Variants in TTN observed in about 807,000 individuals in gnomAD.
The protein encoded by TTN is titin.
Under a neutral mutation model 3,223.0 loss-of-function variants are expected in TTN, and 1,525 were observed. The ratio of observed to expected loss-of-function variants is 0.47; its 90% confidence interval spans 0.45 to 0.49. The LOEUF is 0.49. Ranked by LOEUF, TTN falls within the 20% of genes least tolerant of loss-of-function variation. The probability of loss-of-function intolerance (pLI) is 0.00; values close to 1 mark genes in which losing one functional copy is unlikely to be tolerated. For synonymous variants in TTN, 14,094 were observed against 15,161.0 expected (o/e 0.93, Z 5.17); for missense variants, 40,786 against 43,424.0 (o/e 0.94, Z 5.40).
rs878854394 is a variant in TTN at position 178,562,027 on chromosome 2, T to A, written c.84105A>T (p.Leu28035Phe). 5.0e-6 allele frequency: 8 copies of A among 1,613,354 alleles called. No individual in the cohort carries two copies. Among genetic ancestry groups the A allele is most frequent in the Non-Finnish European group, 6.8e-6 (8 of 1,179,704 alleles). Residue 28035 changes from leucine to phenylalanine, a missense_variant, in exon 326 of 363, where the codon TTA (leucine) becomes TTT (phenylalanine). Leu to Phe is a conservative substitution (Grantham distance 22). Transcript: ENST00000589042. Reference sequence around the variant, plus strand: ...TGGATCCAGCACTGTTTGAAACACATAATTCATAAGTTCCAACATCTTCCT... The same window carrying A: ...TGGATCCAGCACTGTTTGAAACACAAAATTCATAAGTTCCAACATCTTCCT... ...ASKEDVGTYE[L>F]CVSNSAGSIT...
chr2:178,568,940 A>G lies in TTN; in HGVS notation c.77192T>C (p.Ile25731Thr). 6.2e-7 allele frequency: 1 copy of G among 1,613,420 alleles called. No individual in the cohort carries two copies. Among genetic ancestry groups the G allele is most frequent in the Non-Finnish European group, 8.5e-7 (1 of 1,179,580 alleles). The change falls in exon 326 of 363, where the codon ATT (isoleucine) becomes ACT (threonine). Residue 25731 changes from isoleucine to threonine, a missense_variant. Physicochemically the swap from Ile to Thr is moderately conservative, Grantham distance 89. Transcript: ENST00000589042. ...AGCTTGCATTTCCACAATATACTGA[A>G]TGATTTTACTGCCACCATCATGTTC... ...KPEHDGGSKI[I>T]QYIVEMQAKH... is the part of the protein sequence containing the mutation.
rs2154318016 is a variant in TTN at position 178,740,182 on chromosome 2, T to C, written c.13051A>G (p.Met4351Val). The C allele has an allele frequency of 6.2e-7, 1 of 1,613,562 alleles. No individual in the cohort carries two copies. Among genetic ancestry groups the C allele is most frequent in the East Asian group, 2.2e-5 (1 of 44,852 alleles). The change falls in exon 48 of 363, where the codon ATG becomes GTG. Residue 4351 changes from methionine to valine, a missense_variant. Physicochemically the swap from Met to Val is conservative, Grantham distance 21. Coordinates refer to ENST00000589042, the MANE Select transcript of TTN (RefSeq NM_001267550.2). Reference sequence around the variant, plus strand: ...GACTCAATGATTTGGTCTGGGGGCATCACCACGTTGTCAGAATGCTCTTCT... The same window carrying C: ...GACTCAATGATTTGGTCTGGGGGCACCACCACGTTGTCAGAATGCTCTTCT... ...LKEEHSDNVVMPPDQIIESKR... is the reference protein window; with the variant it reads ...LKEEHSDNVVVPPDQIIESKR...
Position 178,698,925 on chromosome 2 carries a change from AAAAAAAG to A in TTN, c.30683-18_30683-12del. ...CAGCCTTTTTGGTAACTAAAAAAAA[AAAAAAAG>A]AAAAAAAAAGAAAAAATATTTCTGG... On this transcript the variant is annotated splice_polypyrimidine_tract_variant and intron_variant, in intron 111 of 362. Transcript: ENST00000589042. 1.3e-6 allele frequency: 2 copies of A among 1,495,388 alleles called. No individual in the cohort carries two copies. The highest frequency in any genetic ancestry group is 8.8e-7 in the Non-Finnish European group (1 of 1,130,636). The allele number at this position is 1,495,388 out of a possible 1,614,324, so 92.6% of individuals were successfully genotyped here. A position where few individuals can be genotyped will look rare whatever the true frequency, so the allele number is the denominator to read the frequency against.
intron 242 of TTN, among the ~76,000 whole-genome samples, chr2:178,622,999 CAT>C (rs1491272201): frequency 6.6e-6 from 1 of 151,786 alleles, no homozygotes; most frequent in Non-Finnish European, 1.5e-5. Context: ...AACTAGTGTG[CAT>C]GTGTGTGTGT....
chr2:178,746,118 C>T lies in TTN; in HGVS notation c.11312-4197G>A, dbSNP rs199565262. The T allele has an allele frequency of 5.1e-5, 83 of 1,613,260 alleles. No individual in the cohort carries two copies. Among genetic ancestry groups the T allele is most frequent in the African/African-American group, 2.1e-4 (16 of 74,868 alleles). On this transcript the variant is annotated intron_variant, in intron 47 of 362. Coordinates refer to ENST00000589042, the MANE Select transcript of TTN (RefSeq NM_001267550.2). ...TGACTTCCCTTCTCCTCGCTAATCA[C>T]GTATTTAATATTATCTGGCTCAATA... is the stretch of plus-strand genomic sequence containing the variant.
At position 178,705,183 on chromosome 2, in the gene TTN, T is replaced by G; in HGVS notation, c.29595A>C (p.Thr9865=). 1 of 1,613,164 alleles carries G rather than the reference T, an allele frequency of 6.2e-7. No individual in the cohort carries two copies. ...ELLKQSQEEE[T]HRLEIEEIER... ...ATATGAAGGAGCATACCAGTCTATG[T>G]GTCTCTTCTTCTTGGCTTTGCTTGA... Residue 9865 remains threonine, a synonymous_variant, in exon 103 of 363, where the codon ACA becomes ACC. Coordinates refer to ENST00000589042, the MANE Select transcript of TTN (RefSeq NM_001267550.2).
In TTN at chr2:178,665,055, G is replaced by A. The variant is rs374684729; in HGVS notation, c.36044-129C>T. 3.5e-6 allele frequency: 4 copies of A among 1,146,482 alleles called. No homozygotes were observed. In the African/African-American group the frequency reaches 4.7e-5, roughly 13 times the overall value. 71.0% of individuals were successfully genotyped at this position (1,146,482 alleles called of 1,614,324 possible). On this transcript the variant is annotated intron_variant, in intron 165 of 362. Coordinates refer to ENST00000589042, the MANE Select transcript of TTN (RefSeq NM_001267550.2). ...CATCCTCCCTTTGTTCCACCAATAG[G>A]CTAAGTCTTTTAAGGGGTTAGTGGA...
chr2:178,751,002 C>A (rs777899967), intron 47 of TTN: 1 of 1,612,484 alleles, frequency 6.2e-7, no homozygotes, highest in South Asian at 1.1e-5. Context: ...TGGAAAATTT[C>A]TTCATCAACA....
chr2:178,703,746 TAC>T (rs1171884224), intron 106 of TTN, among the ~76,000 whole-genome samples: 1 of 152,218 alleles, frequency 6.6e-6, no homozygotes, highest in Admixed American at 6.5e-5. Flanking sequence ...TATAATTTTG[TAC>T]AGAGAAAGTC....
rs1553627403 is a variant in TTN, at chr2:178,582,209, C to G, written c.66161-1G>C. On this transcript the variant is annotated splice_acceptor_variant, in intron 314 of 362. Transcript: ENST00000589042. LOFTEE classifies it high-confidence loss of function. ...GGAGGATCACAGCGTCCTGGTGGGT[C>G]TGCAGAAATTGATTGAAAAGTTAAT... is the stretch of plus-strand genomic sequence containing the variant. The G allele has an allele frequency of 9.4e-6, 15 of 1,590,052 alleles. No homozygotes were observed. The highest frequency in any genetic ancestry group is 1.3e-5 in the Non-Finnish European group (15 of 1,173,828).
At position 178,776,674 on chromosome 2, in the gene TTN, AC is replaced by A; in HGVS notation, c.5189del (p.Gly1730ValfsTer24). ...AHFECRLTPI[G>X]DPTMVVEWLH... ...GCCACTCCACCACCATCGTTGGGTC[AC>A]CAATGGGTGTTAGCCTGCATTCAAA... On this transcript the variant is annotated frameshift_variant, in exon 28 of 363. Coordinates refer to ENST00000589042, the MANE Select transcript of TTN (RefSeq NM_001267550.2). LOFTEE classifies it high-confidence loss of function. 6.2e-7 allele frequency: 1 copy of A among 1,614,126 alleles called. No homozygotes were observed. Among genetic ancestry groups the A allele is most frequent in the Non-Finnish European group, 8.5e-7 (1 of 1,180,010 alleles).
rs755767286 is a variant in TTN at position 178,601,738 on chromosome 2, C to T, written c.55352G>A (p.Arg18451Gln). The change falls in exon 286 of 363, where the codon CGA becomes CAA. Residue 18451 changes from arginine (R) to glutamine (Q), a missense_variant. Physicochemically the swap from Arg to Gln is conservative, Grantham distance 43 (BLOSUM62 1). Coordinates refer to ENST00000589042, the MANE Select transcript of TTN (RefSeq NM_001267550.2). ...SSVIIIPECK[R>Q]SHTGKYSITA... ...GATGCTGTATTTGCCTGTATGAGATCGTTTACACTCCGGAATAATAATTAC... is the reference window on the plus strand; with the variant it reads ...GATGCTGTATTTGCCTGTATGAGATTGTTTACACTCCGGAATAATAATTAC... 33 of 1,609,104 alleles carry T rather than the reference C, an allele frequency of 2.1e-5. No individual in the cohort carries two copies. Among genetic ancestry groups the T allele is most frequent in the South Asian group, 1.3e-4 (12 of 89,720 alleles).
chr2:178,594,820 C>T (rs781733463), intron 295 of TTN, among the ~76,000 whole-genome samples, 174 bp from the exon 296 acceptor site: 1 of 152,020 alleles, frequency 6.6e-6, no homozygotes, highest in African/African-American at 2.4e-5. Flanking sequence ...GGACCCAATA[C>T]AATTGAATTT....
At chr2:178,670,346 T>A in intron 156 of TTN, 51 bp from the exon 157 acceptor site, 1 of 1,123,862 alleles carries the variant, frequency 8.9e-7, no homozygotes, top group African/African-American at 1.6e-5. Context: ...TACAATTTTT[T>A]AACAAGCAGA....
chr2:178,734,488 C>A lies in TTN; in HGVS notation c.15336G>T (p.Lys5112Asn). The change falls in exon 52 of 363, where the codon AAG becomes AAT. Residue 5112 changes from lysine (K) to asparagine (N), a missense_variant. Coordinates refer to ENST00000589042, the MANE Select transcript of TTN (RefSeq NM_001267550.2). ...ATTTTTTACTACTTCGAATTTGTTT[C>A]TTGTCTTTGAACCAGCTAATTTCAA... ...GPFEISWFKD[K>N]KQIRSSKKYR... 1.9e-6 allele frequency: 3 copies of A among 1,613,702 alleles called. 1 individual carries two copies. The South Asian group carries it at 3.3e-5, about 18-fold the overall frequency.
In TTN at chr2:178,610,191, A is replaced by G. The variant is rs776500262; in HGVS notation, c.51335T>C (p.Ile17112Thr). The change falls in exon 271 of 363, where the codon ATA (isoleucine) becomes ACA (threonine). Residue 17112 changes from isoleucine (I) to threonine (T), a missense_variant. By Grantham distance (89) the Ile-to-Thr change is moderately conservative (BLOSUM62 -1). Coordinates refer to ENST00000589042, the MANE Select transcript of TTN (RefSeq NM_001267550.2). ...ACGGAAGAAGTATTCACCATTTGGT[A>G]TGAGATCCTTCACAGTCCATGACAG... ...NKLSWTVKDL[I>T]PNGEYFFRVK... 7 of 1,613,026 alleles carry G rather than the reference A, an allele frequency of 4.3e-6. No individual in the cohort carries two copies. The highest frequency in any genetic ancestry group is 3.3e-5 in the South Asian group (3 of 91,064).
rs1298294252 is a variant in TTN at position 178,572,290 on chromosome 2, T to C, written c.73842A>G (p.Ser24614=). Residue 24614 remains serine, a synonymous_variant, in exon 326 of 363, where the codon TCA becomes TCG. Coordinates refer to ENST00000589042, the MANE Select transcript of TTN (RefSeq NM_001267550.2). Reference sequence around the variant, plus strand: ...TTTTTCCTGGAGGAAGAGGTCGTTCTGATGCTTTCACAGATTCTGCGGTTT... The same window carrying C: ...TTTTTCCTGGAGGAAGAGGTCGTTCCGATGCTTTCACAGATTCTGCGGTTT... The part of the protein sequence containing the change: ...PAETAESVKA[S]ERPLPPGKIT... 6.2e-7 allele frequency: 1 copy of C among 1,612,552 alleles called. No homozygotes were observed. The highest frequency in any genetic ancestry group is 1.3e-5 in the African/African-American group (1 of 74,896).
rs369934753 is a variant in TTN at position 178,581,702 on chromosome 2, A to G, written c.66566T>C (p.Ile22189Thr). The change falls in exon 316 of 363, where the codon ATT becomes ACT. Residue 22189 changes from isoleucine to threonine, a missense_variant. Transcript: ENST00000589042. ...CCGTTTTACTTCAACGAGATAACCAATGATAGGGCTGCCGCCGTCATAGGC... is the reference window on the plus strand; with the variant it reads ...CCGTTTTACTTCAACGAGATAACCAGTGATAGGGCTGCCGCCGTCATAGGC... The part of the protein sequence containing the change: ...KPAYDGGSPI[I>T]GYLVEVKRAD... 3.8e-5 allele frequency: 62 copies of G among 1,611,874 alleles called. No individual in the cohort carries two copies. Among genetic ancestry groups the G allele is most frequent in the Non-Finnish European group, 5.1e-5 (60 of 1,178,966 alleles).
At position 178,543,885 on chromosome 2, in the gene TTN, C is replaced by A; in HGVS notation, c.96259G>T (p.Ala32087Ser). The A allele has an allele frequency of 6.2e-7, 1 of 1,613,662 alleles. No homozygotes were observed. The highest frequency in any genetic ancestry group is 8.5e-7 in the Non-Finnish European group (1 of 1,179,704). Residue 32087 changes from alanine (A) to serine (S), a missense_variant, in exon 346 of 363, where the codon GCT becomes TCT. Transcript: ENST00000589042. ...RYDAGKYTIE[A>S]ENQSGKKSAT... ...GATTTCTTGCCAGATTGGTTTTCAG[C>A]TTCAATTGTGTATTTTCCAGCATCG...
Sources: allele counts gnomAD v4.1 joint callset (sites outside exome capture counted in the v4.1 genomes callset), GRCh38; gene constraint gnomAD v4.1.1; transcripts MANE v1.5; gene names NCBI Gene and HGNC (gene_info 2026-07-23, HGNC 2026-07-21).